Variants in HOMER2 observed in about 807,000 individuals in gnomAD.
The protein encoded by HOMER2 is homer scaffold protein 2.
In HOMER2, 27 loss-of-function variants were observed where a neutral mutation model predicts 47.0. The ratio of observed to expected loss-of-function variants is 0.57; its 90% confidence interval spans 0.42 to 0.79. The LOEUF is 0.79. Among genes scored for constraint, HOMER2 ranks in the 30% least tolerant of loss-of-function variants. HOMER2 has a pLI of 0.00. For missense variants in HOMER2, 443 were observed against 435.0 expected (o/e 1.02, Z -0.16); for synonymous variants, 161 against 163.8 (o/e 0.98, Z 0.13).
At chr15:82,947,156 A>G (rs2054399926) in intron 1 of HOMER2, among the ~76,000 whole-genome samples, 1 of 152,230 alleles carries the variant, frequency 6.6e-6, no homozygotes, top group Non-Finnish European at 1.5e-5. Context: ...GAAGTTTAAC[A>G]AACCCACAGG....
chr15:82,868,064 T>C (rs967222028), intron 3 of HOMER2, among the ~76,000 whole-genome samples: 1 of 152,194 alleles, frequency 6.6e-6, no homozygotes, highest in Non-Finnish European at 1.5e-5. Flanking sequence ...TATATGCTTG[T>C]AAATTTGGAA....
chr15:82,900,656 A>C (rs1470276333), intron 1 of HOMER2, among the ~76,000 whole-genome samples: 7 of 152,006 alleles, frequency 4.6e-5, no homozygotes, highest in African/African-American at 1.7e-4. Context: ...TAGAAGCCTA[A>C]AGAAGTGAGT....
exon 2 of HOMER2, chr15:82,842,782 C>T (rs977782998): frequency 6.6e-6 from 1 of 152,134 alleles, no homozygotes; most frequent in Non-Finnish European, 1.5e-5. Flanking sequence ...TGGCACCCAA[C>T]AGAAGGGCTA....
At chr15:82,872,741 T>C (rs1376040188) in intron 3 of HOMER2, among the ~76,000 whole-genome samples, 1 of 152,192 alleles carries the variant, frequency 6.6e-6, no homozygotes, top group Non-Finnish European at 1.5e-5. Flanking sequence ...AAGGGAAATC[T>C]TCCCTGTGGA....
Position 82,884,760 on chromosome 15 carries a change from T to C in HOMER2, c.162+7925A>G, listed in dbSNP as rs2052597749. On this transcript the variant is annotated intron_variant, in intron 2 of 8. Coordinates refer to ENST00000450735, the MANE Select transcript of HOMER2 (RefSeq NM_004839.4). ...TTGATTTTGTATCCTGAGACTTTGC[T>C]GAAGTTGCTTATCAGCTTAAGGAGA... Among the ~76,000 whole-genome samples the C allele has an allele frequency of 3.3e-5, 2 of 60,906 alleles. 1 individual carries two copies. The highest frequency in any genetic ancestry group is 1.1e-3 in the South Asian group (2 of 1,830). 40.0% of individuals were successfully genotyped at this position (60,906 alleles called of 152,430 possible).
chr15:82,868,541 A>ATATATATATATATATATATATTTTTTTT, intron 3 of HOMER2, among the ~76,000 whole-genome samples: 5 of 71,288 alleles, frequency 7.0e-5, no homozygotes, highest in Admixed American at 1.8e-4. Flanking sequence ...ATATATATAT[A>ATATATATATATATATATATATTTTTTTT]TTTTTTTTTT....
intron 1 of HOMER2, among the ~76,000 whole-genome samples, chr15:82,893,679 T>C (rs1385695196): frequency 2.0e-5 from 3 of 150,924 alleles, no homozygotes; most frequent in Non-Finnish European, 2.9e-5. Flanking sequence ...GGCTGGAGCG[T>C]AGTGATGCAA....
At chr15:82,869,792 G>C (rs1425222212) in intron 3 of HOMER2, among the ~76,000 whole-genome samples, 1 of 152,102 alleles carries the variant, frequency 6.6e-6, no homozygotes, top group African/African-American at 2.4e-5. Flanking sequence ...ATATTACCCT[G>C]AAGGATACAC....
intron 5 of HOMER2, among the ~76,000 whole-genome samples, chr15:82,856,927 G>A (rs1233678996): frequency 6.6e-6 from 1 of 152,162 alleles, no homozygotes; most frequent in African/African-American, 2.4e-5. Flanking sequence ...GTGAGGTGAT[G>A]GAAGGTTTAC....
chr15:82,974,334 G>A (rs1483043442), intron 1 of HOMER2, among the ~76,000 whole-genome samples: 2 of 151,748 alleles, frequency 1.3e-5, no homozygotes, highest in Admixed American at 1.3e-4. Flanking sequence ...AACCCGGGAG[G>A]TGGAGGTTGC....
chr15:82,842,461 A>ATTTTTTTTTTTTTTTTTTTTTTTTT (rs372884842), exon 2 of HOMER2: 1 of 112,792 alleles, frequency 8.9e-6, no homozygotes, highest in Non-Finnish European at 1.8e-5. Context: ...CAGCCAGCTA[A>ATTTTTTTTTTTTTTTTTTTTTTTTT]TTTTTTTTTT....
At chr15:82,892,579 C>G in intron 2 of HOMER2, 106 bp downstream of exon 2, 1 of 843,678 alleles carries the variant, frequency 1.2e-6, no homozygotes, top group Non-Finnish European at 1.7e-6. Context: ...ATATGTTATA[C>G]AGACATTATA....
At chr15:82,943,541 C>A (rs959236358) in intron 1 of HOMER2, among the ~76,000 whole-genome samples, 1 of 152,266 alleles carries the variant, frequency 6.6e-6, no homozygotes, top group Non-Finnish European at 1.5e-5. Flanking sequence ...CCAGCTCCCA[C>A]AGGACACAAG....
intron 1 of HOMER2, among the ~76,000 whole-genome samples, chr15:82,904,218 C>A (rs545407554): frequency 6.6e-6 from 1 of 152,192 alleles, no homozygotes; most frequent in African/African-American, 2.4e-5. Context: ...CAAACCACTG[C>A]CCCCAAAATT....
chr15:82,918,531 G>C (rs1177149807), intron 1 of HOMER2, among the ~76,000 whole-genome samples: 1 of 152,046 alleles, frequency 6.6e-6, no homozygotes, highest in Non-Finnish European at 1.5e-5. Context: ...CATTCCCTTA[G>C]TTCTTCTCCA....
chr15:82,862,744 T>C (rs1451145323), intron 4 of HOMER2, among the ~76,000 whole-genome samples: 1 of 152,146 alleles, frequency 6.6e-6, no homozygotes, highest in Non-Finnish European at 1.5e-5. Flanking sequence ...CATAGGTCCA[T>C]GTGGGCATAT....
chr15:82,877,139 A>G (rs1262069752), intron 2 of HOMER2, among the ~76,000 whole-genome samples: 6 of 152,192 alleles, frequency 3.9e-5, no homozygotes, highest in Admixed American at 1.3e-4. Flanking sequence ...ATTTCACAGA[A>G]GTAACTGAGA....
chr15:82,955,247 G>C (rs1324883272), upstream of HOMER2, among the ~76,000 whole-genome samples: 1 of 143,750 alleles, frequency 7.0e-6, no homozygotes, highest in Non-Finnish European at 1.5e-5. Flanking sequence ...TTGGCTCACT[G>C]CAACTTCTGC....
At chr15:82,902,428 C>T (rs530370392) in intron 1 of HOMER2, among the ~76,000 whole-genome samples, 1 of 152,200 alleles carries the variant, frequency 6.6e-6, no homozygotes, top group African/African-American at 2.4e-5. Context: ...AAACTCCTGA[C>T]CTTGTGATCC....
Sources: allele counts gnomAD v4.1 joint callset (sites outside exome capture counted in the v4.1 genomes callset), GRCh38; gene constraint gnomAD v4.1.1; transcripts MANE v1.5; gene names NCBI Gene and HGNC (gene_info 2026-07-23, HGNC 2026-07-21).